CYP4A22: variants seen among roughly 807,000 people sequenced by gnomAD.
CYP4A22 encodes cytochrome P450 family 4 subfamily A member 22.
A neutral mutation model predicts 56.2 loss-of-function variants in CYP4A22; 46 were observed. That is an observed-to-expected ratio of 0.82 (90% CI 0.65 to 1.05). The LOEUF is 1.05. CYP4A22 is among the 50% of genes least tolerant of loss of function. The pLI is 0.00. For missense variants in CYP4A22, 541 were observed against 645.9 expected, an observed-to-expected ratio of 0.84 and a Z score of 1.76; for synonymous variants, 193 against 251.1, an observed-to-expected ratio of 0.77 and a Z score of 2.19.
rs1172738094 is a variant in CYP4A22, at chr1:47,140,756, T to C, written c.196-24T>C. 3.7e-6 allele frequency: 6 copies of C among 1,613,388 alleles called. No individual in the cohort carries two copies. In the Admixed American group the frequency reaches 1.0e-4, roughly 27 times the overall value. On this transcript the variant is annotated intron_variant, in intron 1 of 11. Transcript: ENST00000371891. ...AAAGACTAGAAGTAAATGAAAGTGT[T>C]CATCTGTCTACCCTCGTTGACAGTT...
At chr1:47,146,384 C>A in intron 11 of CYP4A22, 1 of 1,404,756 alleles carries the variant, frequency 7.1e-7, no homozygotes, top group Non-Finnish European at 9.3e-7. Context: ...AAATGGGCAG[C>A]CTGAATTCAC....
chr1:47,145,455 G>A (rs547816041), intron 9 of CYP4A22, among the ~76,000 whole-genome samples: 1 of 152,172 alleles, frequency 6.6e-6, no homozygotes, highest in Admixed American at 6.5e-5. Flanking sequence ...CTAGTTGTGT[G>A]AACACAGACA....
intron 1 of CYP4A22, among the ~76,000 whole-genome samples, chr1:47,139,491 C>T (rs71645849): frequency 6.9e-6 from 1 of 145,930 alleles, no homozygotes; most frequent in African/African-American, 2.5e-5. Context: ...TTCATTCCAT[C>T]TCATGTCCAT....
intron 1 of CYP4A22, among the ~76,000 whole-genome samples, chr1:47,139,239 G>T (rs1644980181): frequency 6.6e-6 from 1 of 152,210 alleles, no homozygotes; most frequent in African/African-American, 2.4e-5. Context: ...GGGTCTCCCA[G>T]AAGTGAAGGG....
chr1:47,145,946 G>A lies in CYP4A22; in HGVS notation c.1287+16G>A. 6.2e-7 allele frequency: 1 copy of A among 1,614,142 alleles called. No individual in the cohort carries two copies. The highest frequency in any genetic ancestry group is 2.2e-5 in the East Asian group (1 of 44,874). On this transcript the variant is annotated intron_variant, in intron 10 of 11. Transcript: ENST00000371891. ...CAACCTAGAGGTATGTGGTCCTTGAGAGGAGGAAATGGGGTGATCTCTCAA... is the reference window on the plus strand; with the variant it reads ...CAACCTAGAGGTATGTGGTCCTTGAAAGGAGGAAATGGGGTGATCTCTCAA...
chr1:47,145,072 C>T (rs576551871), intron 9 of CYP4A22, 102 bp downstream of exon 9: 1 of 1,512,172 alleles, frequency 6.6e-7, no homozygotes. Context: ...CTGGGTCTCC[C>T]TTTTGTTCTA....
intron 1 of CYP4A22, among the ~76,000 whole-genome samples, chr1:47,138,371 C>A (rs1016837302): frequency 1.3e-5 from 2 of 152,174 alleles, no homozygotes; most frequent in African/African-American, 2.4e-5. Context: ...GTTTGAGTTG[C>A]ACATTGAACA....
intron 5 of CYP4A22, 65 bp from the exon 6 acceptor site, chr1:47,143,697 C>A: frequency 3.3e-6 from 5 of 1,531,076 alleles, no homozygotes; most frequent in Non-Finnish European, 4.4e-6. Context: ...TCCTCTCAGA[C>A]CCCATTCTAC....
chr1:47,143,193 G>C (rs1046522288), intron 4 of CYP4A22, 76 bp from the exon 5 acceptor site: 10 of 1,547,998 alleles, frequency 6.5e-6, no homozygotes, highest in Non-Finnish European at 8.7e-6. Flanking sequence ...ATATCTGCAG[G>C]TACATGAAAA....
intron 4 of CYP4A22, among the ~76,000 whole-genome samples, chr1:47,143,035 G>A (rs1209456564): frequency 1.3e-5 from 2 of 152,202 alleles, no homozygotes; most frequent in Non-Finnish European, 2.9e-5. Flanking sequence ...TATTGTGAGA[G>A]GATCTGTTGA....
intron 11 of CYP4A22, chr1:47,146,826 A>G (rs1198227976): frequency 1.0e-6 from 1 of 986,628 alleles, no homozygotes; most frequent in Non-Finnish European, 1.2e-6. Context: ...AATTCTGTAC[A>G]TGCCTTGAGA....
intron 1 of CYP4A22, 38 bp from the exon 2 acceptor site, chr1:47,140,742 G>C: frequency 6.2e-7 from 1 of 1,611,594 alleles, no homozygotes. Context: ...AAGACTAGAA[G>C]TAAATGAAAG....
chr1:47,137,726 G>A (rs765472275), intron 1 of CYP4A22, 46 bp downstream of exon 1: 8 of 1,560,316 alleles, frequency 5.1e-6, no homozygotes, highest in Middle Eastern at 2.0e-4. Flanking sequence ...GGAGGGATGC[G>A]GCTCTGAGAC....
intron 1 of CYP4A22, 126 bp downstream of exon 1, chr1:47,137,806 C>A: frequency 7.1e-7 from 1 of 1,403,490 alleles, no homozygotes; most frequent in South Asian, 1.5e-5. Flanking sequence ...GAACACCCAG[C>A]CTACCTCTCT....
At chr1:47,138,064 C>T (rs1644964228) in intron 1 of CYP4A22, among the ~76,000 whole-genome samples, 1 of 152,154 alleles carries the variant, frequency 6.6e-6, no homozygotes. Context: ...CCTGGCCCTG[C>T]ATTTGCCTGG....
rs1296184837 is a variant in CYP4A22, at chr1:47,144,616, G to A, written c.964G>A (p.Gly322Ser). The A allele has an allele frequency of 4.3e-6, 7 of 1,613,816 alleles. No individual in the cohort carries two copies. The highest frequency in any genetic ancestry group is 5.9e-6 in the Non-Finnish European group (7 of 1,179,880). ...TGAGGTGGACACGTTCATGTTTGAGGGCCACGACACCACAGCCAGTGGGAT... is the reference window on the plus strand; with the variant it reads ...TGAGGTGGACACGTTCATGTTTGAGAGCCACGACACCACAGCCAGTGGGAT... ...RAEVDTFMFEGHDTTASGISW... is the reference protein window; with the variant it reads ...RAEVDTFMFESHDTTASGISW... The change falls in exon 8 of 12, where the codon GGC (glycine) becomes AGC (serine). Residue 322 changes from glycine (G) to serine (S), a missense_variant. Around this residue, in one of 3 missense-constraint regions of CYP4A22, gnomAD observed 204 missense variants for 258.9 expected, o/e 0.79. Transcript: ENST00000371891.
intron 6 of CYP4A22, 133 bp from the exon 7 acceptor site, chr1:47,144,224 C>T (rs1645047623): frequency 1.3e-5 from 16 of 1,247,582 alleles, no homozygotes; most frequent in Non-Finnish European, 1.7e-5. Flanking sequence ...GAGCTTCCAC[C>T]CCTGACCCTG....
intron 1 of CYP4A22, 79 bp downstream of exon 1, chr1:47,137,759 C>A: frequency 1.3e-6 from 2 of 1,513,332 alleles, no homozygotes; most frequent in South Asian, 2.7e-5. Context: ...ATCCATAGAG[C>A]AAAGCCTTGT....
In CYP4A22 at chr1:47,143,256, C is replaced by A. The variant is rs762059441; in HGVS notation, c.511-13C>A. On this transcript the variant is annotated splice_polypyrimidine_tract_variant and intron_variant, in intron 4 of 11. Transcript: ENST00000371891. The stretch of plus-strand genomic sequence containing the variant: ...TTGGAGATTAAGAAGGTCCATGCCC[C>A]CTCCCACCACAGGACAAATGGGAAG... 6.3e-7 allele frequency: 1 copy of A among 1,599,674 alleles called. No homozygotes were observed. The highest frequency in any genetic ancestry group is 1.7e-5 in the Admixed American group (1 of 57,534).
Sources: allele counts gnomAD v4.1 joint callset (sites outside exome capture counted in the v4.1 genomes callset), GRCh38; gene constraint gnomAD v4.1.1; regional missense constraint gnomAD v4.1.1; transcripts MANE v1.5; gene names NCBI Gene and HGNC (gene_info 2026-07-23, HGNC 2026-07-21).